GRAMD4: variants seen among roughly 807,000 people sequenced by gnomAD.
GRAMD4 encodes the protein GRAM domain containing 4, also known as GRAM domain-containing protein 4.
In GRAMD4, 25 loss-of-function variants were observed where a neutral mutation model predicts 83.9. The ratio of observed to expected loss-of-function variants is 0.30; its 90% CI spans 0.22 to 0.42. The LOEUF (loss-of-function observed/expected upper bound fraction) is 0.42, where lower values mean the gene tolerates loss of function less well. Among genes scored for constraint, GRAMD4 ranks in the 10% least tolerant of loss-of-function variants. The pLI is 1.00. For synonymous variants in GRAMD4, 336 were observed against 320.9 expected (o/e 1.05, Z -0.50); for missense variants, 593 against 788.7 (o/e 0.75, Z 2.97).
chr22:46,643,142 TCC>T, intron 3 of GRAMD4, among the ~76,000 whole-genome samples: 1 of 54,242 alleles, frequency 1.8e-5, no homozygotes, highest in Non-Finnish European at 4.0e-5. Context: ...CATGCATCCT[TCC>T]ATCCATCCAT....
intron 1 of GRAMD4, among the ~76,000 whole-genome samples, chr22:46,588,901 C>T (rs1445638579): frequency 1.3e-5 from 2 of 152,084 alleles, no homozygotes; most frequent in African/African-American, 2.4e-5. Context: ...GACCCAGCCT[C>T]TGCCAGCGTC....
chr22:46,576,862 C>A (rs977483299), upstream of GRAMD4, among the ~76,000 whole-genome samples: 1 of 144,246 alleles, frequency 6.9e-6, no homozygotes, highest in African/African-American at 2.5e-5. Context: ...GCGGCGGCCG[C>A]GCGTGCGCGT....
chr22:46,660,491 T>C (rs1958232412), intron 4 of GRAMD4, among the ~76,000 whole-genome samples: 1 of 152,062 alleles, frequency 6.6e-6, no homozygotes, highest in South Asian at 2.1e-4. Context: ...CAGACACATG[T>C]GCGCACACAC....
chr22:46,663,689 C>T (rs1205362702), intron 6 of GRAMD4, 149 bp from the exon 7 acceptor site: 21 of 747,146 alleles, frequency 2.8e-5, no homozygotes, highest in South Asian at 6.3e-5. Flanking sequence ...GCTGAGCCGC[C>T]GTGCATGGCC....
upstream of GRAMD4, among the ~76,000 whole-genome samples, chr22:46,615,922 A>G (rs1329581471): frequency 1.0e-5 from 1 of 98,224 alleles, no homozygotes; most frequent in Non-Finnish European, 2.0e-5. Flanking sequence ...CCCCGTGTGT[A>G]GGTTCCCCTG....
At chr22:46,578,044 G>C (rs1439265053) in intron 1 of GRAMD4, among the ~76,000 whole-genome samples, 1 of 152,254 alleles carries the variant, frequency 6.6e-6, no homozygotes, top group Non-Finnish European at 1.5e-5. Flanking sequence ...TGTGGCAGAA[G>C]GTGCAGCAGT....
intron 10 of GRAMD4, 82 bp downstream of exon 10, chr22:46,666,955 A>G: frequency 9.6e-7 from 1 of 1,044,978 alleles, no homozygotes. Context: ...CGCTCGGGGA[A>G]GCCTCTGGAT....
At chr22:46,658,891 C>T (rs2082285811) in intron 4 of GRAMD4, among the ~76,000 whole-genome samples, 1 of 150,976 alleles carries the variant, frequency 6.6e-6, no homozygotes, top group Non-Finnish European at 1.5e-5. Flanking sequence ...CACCTGACAT[C>T]TTTGCTCTTG....
chr22:46,576,395 G>A (rs1244662322), upstream of GRAMD4, among the ~76,000 whole-genome samples: 2 of 152,156 alleles, frequency 1.3e-5, no homozygotes, highest in Non-Finnish European at 1.5e-5. Context: ...TTTTTCTAGA[G>A]GGTCCAAAAC....
At chr22:46,635,415 TCTTC>T (rs2081856257) in intron 2 of GRAMD4, among the ~76,000 whole-genome samples, 1 of 118,188 alleles carries the variant, frequency 8.5e-6, no homozygotes, top group Non-Finnish European at 1.8e-5. Context: ...GGGGACCGTG[TCTTC>T]CCTGCCCCCG....
chr22:46,667,209 G>A (rs1030735548), intron 10 of GRAMD4, among the ~76,000 whole-genome samples: 1 of 152,202 alleles, frequency 6.6e-6, no homozygotes, highest in South Asian at 2.1e-4. Flanking sequence ...CCCAGGTAGG[G>A]TGGTGAACAG....
chr22:46,619,892 A>T (rs972362729), upstream of GRAMD4, among the ~76,000 whole-genome samples: 1 of 152,108 alleles, frequency 6.6e-6, no homozygotes, highest in African/African-American at 2.4e-5. Flanking sequence ...TCCCCCAGGG[A>T]CATTGCTTAG....
At chr22:46,595,585 T>C (rs1212137408) in intron 1 of GRAMD4, among the ~76,000 whole-genome samples, 2 of 152,256 alleles carry the variant, frequency 1.3e-5, no homozygotes, top group Admixed American at 1.3e-4. Context: ...CTAGGTGAGG[T>C]TGGCTTTGGG....
At chr22:46,636,720 G>C (rs1237259122) in intron 2 of GRAMD4, among the ~76,000 whole-genome samples, 2 of 152,244 alleles carry the variant, frequency 1.3e-5, no homozygotes, top group African/African-American at 4.8e-5. Context: ...AGGATGCAAC[G>C]TGGAGGGCGA....
At chr22:46,591,913 G>C (rs2147009886) in intron 1 of GRAMD4, among the ~76,000 whole-genome samples, 1 of 125,932 alleles carries the variant, frequency 7.9e-6, no homozygotes, top group African/African-American at 3.6e-5. Context: ...CCATGCCCAG[G>C]GACAGTCAGA....
At chr22:46,581,870 C>T (rs2081102304) in intron 1 of GRAMD4, among the ~76,000 whole-genome samples, 1 of 152,230 alleles carries the variant, frequency 6.6e-6, no homozygotes, top group Non-Finnish European at 1.5e-5. Flanking sequence ...CACCTAACCT[C>T]TCTGGGCCTC....
At chr22:46,634,447 AGG>A (rs1213777910) in intron 2 of GRAMD4, among the ~76,000 whole-genome samples, 2 of 152,206 alleles carry the variant, frequency 1.3e-5, no homozygotes, top group Non-Finnish European at 2.9e-5. Flanking sequence ...GACTCAGCGA[AGG>A]GGCAGAGGGC....
chr22:46,642,834 G>A (rs2081991226), intron 3 of GRAMD4, among the ~76,000 whole-genome samples: 4 of 152,122 alleles, frequency 2.6e-5, no homozygotes, highest in Non-Finnish European at 4.4e-5. Context: ...TTTTCATCCA[G>A]TTATTCCCCA....
intron 16 of GRAMD4, 140 bp downstream of exon 16, chr22:46,674,890 GC>G: frequency 1.5e-6 from 1 of 676,030 alleles, no homozygotes; most frequent in East Asian, 2.7e-5. Context: ...GCTCTTGCCG[GC>G]TGTCTGGGCT....
Sources: gnomAD v4.1 joint callset for allele counts (sites outside exome capture counted in the v4.1 genomes callset) on GRCh38, gnomAD v4.1.1 for gene constraint, MANE v1.5 for transcripts, NCBI Gene and HGNC (gene_info 2026-07-23, HGNC 2026-07-21) for gene names.